ARG2: variants seen among roughly 807,000 people sequenced by gnomAD.
ARG2 encodes the protein arginase-2, mitochondrial.
ARG2 carries 21 observed loss-of-function variants against 39.4 expected under a neutral mutation model. The ratio of observed to expected loss-of-function variants is 0.53; its 90% CI spans 0.38 to 0.77. The LOEUF (loss-of-function observed/expected upper bound fraction) is 0.77. ARG2 is among the 30% of genes least tolerant of loss of function. The pLI is 0.00. For missense variants in ARG2, 378 were observed against 426.2 expected, an observed-to-expected ratio of 0.89 and a Z score of 1.00; for synonymous variants, 150 against 156.7, an observed-to-expected ratio of 0.96 and a Z score of 0.32.
At chr14:67,624,228 C>A (rs1026254652) in intron 2 of ARG2, among the ~76,000 whole-genome samples, 1 of 152,122 alleles carries the variant, frequency 6.6e-6, no homozygotes, top group African/African-American at 2.4e-5. Flanking sequence ...GTACTCTTTT[C>A]TCCAGTTTTT....
intron 3 of ARG2, 55 bp downstream of exon 3, chr14:67,642,418 A>G (rs1323240743): frequency 1.3e-5 from 21 of 1,570,088 alleles, no homozygotes; most frequent in African/African-American, 2.7e-5. Context: ...CTTGGGGCTC[A>G]TAACTTAGCT....
rs550004014 is a variant in ARG2 at position 67,625,122 on chromosome 14, C to T, written c.184+4156C>T. Among the ~76,000 whole-genome samples, 7 of 151,602 alleles carry T rather than the reference C, an allele frequency of 4.6e-5. No individual in the cohort carries two copies. The South Asian group carries it at 1.5e-3, about 32-fold the overall frequency. ...AAGTCAGTAAGGAAAGAATAGTCTT[C>T]AGTAAATGGTGCTGGGATAACTGGA... is the stretch of plus-strand genomic sequence containing the variant. On this transcript the variant is annotated intron_variant, in intron 2 of 7. Transcript: ENST00000261783.
intron 2 of ARG2, among the ~76,000 whole-genome samples, chr14:67,635,722 A>G (rs2036964905): frequency 6.6e-6 from 1 of 152,142 alleles, no homozygotes; most frequent in Admixed American, 6.5e-5. Context: ...GCGTGGTGGC[A>G]GGCACCTGTA....
chr14:67,634,974 G>A (rs772017978), intron 2 of ARG2, among the ~76,000 whole-genome samples: 2 of 152,156 alleles, frequency 1.3e-5, no homozygotes, highest in African/African-American at 2.4e-5. Context: ...CTGGGCGCAC[G>A]GTGGCTCACG....
intron 2 of ARG2, among the ~76,000 whole-genome samples, chr14:67,631,208 T>C (rs2036914783): frequency 6.6e-6 from 1 of 152,222 alleles, no homozygotes; most frequent in Non-Finnish European, 1.5e-5. Context: ...TTCCTGGCTT[T>C]CTCATTGCCC....
chr14:67,626,082 G>A (rs137969736), intron 2 of ARG2, among the ~76,000 whole-genome samples: 354 of 152,090 alleles, frequency 2.3e-3, no homozygotes, highest in African/African-American at 8.2e-3. Context: ...GTGAAACTCC[G>A]TCTCTACTAA....
chr14:67,634,365 G>C (rs2036948164), intron 2 of ARG2, among the ~76,000 whole-genome samples: 1 of 150,932 alleles, frequency 6.6e-6, no homozygotes, highest in African/African-American at 2.4e-5. Flanking sequence ...GGCCAAGGTG[G>C]ATGGATCACT....
intron 2 of ARG2, among the ~76,000 whole-genome samples, chr14:67,622,002 CAGA>C (rs1258208810): frequency 6.6e-6 from 1 of 152,014 alleles, no homozygotes; most frequent in East Asian, 2.0e-4. Flanking sequence ...GAGCCTGAGA[CAGA>C]AGAATTGCTT....
At chr14:67,649,752 G>A (rs1379417239) in intron 7 of ARG2, 1 of 152,192 alleles carries the variant, frequency 6.6e-6, no homozygotes, top group Non-Finnish European at 1.5e-5. Context: ...GTACTATAGT[G>A]TAATATCAAT....
rs189983478 is a variant in ARG2 at position 67,648,340 on chromosome 14, A to G, written c.859+157A>G. 3.1e-4 allele frequency: 240 copies of G among 773,008 alleles called. 1 individual carries two copies. The highest frequency in any genetic ancestry group is 3.0e-3 in the Middle Eastern group (8 of 2,632). 47.9% of individuals were successfully genotyped at this position (773,008 alleles called of 1,614,324 possible). On this transcript the variant is annotated intron_variant, in intron 7 of 7. Transcript: ENST00000261783. ...AAATTATATGGCCATGCTAATAAAA[A>G]GGATATAGTCCTTTAGAGTCATGCT...
intron 2 of ARG2, among the ~76,000 whole-genome samples, chr14:67,626,801 A>G (rs2036871229): frequency 6.6e-6 from 1 of 152,250 alleles, no homozygotes; most frequent in Non-Finnish European, 1.5e-5. Flanking sequence ...ATTATTCATA[A>G]TGGTCAACAT....
chr14:67,640,485 T>A (rs1246854350), intron 2 of ARG2, among the ~76,000 whole-genome samples: 3 of 152,212 alleles, frequency 2.0e-5, no homozygotes, highest in Admixed American at 1.3e-4. Context: ...TCCTCAAATT[T>A]TTATATTTCT....
At chr14:67,644,961 G>A (rs886252030) in intron 3 of ARG2, among the ~76,000 whole-genome samples, 3 of 149,486 alleles carry the variant, frequency 2.0e-5, no homozygotes, top group African/African-American at 7.4e-5. Context: ...TTGCGCCACT[G>A]CACTCCAGCC....
In ARG2 at chr14:67,651,537, A is replaced by C; in HGVS notation, c.*617A>C. ...AGAAGTTTGGATAACCTTCCTTCTA[A>C]ACATTTTGGGGTTAGACCTGGGACC... On this transcript the variant is annotated 3_prime_UTR_variant, in exon 8 of 8. Coordinates refer to ENST00000261783, the MANE Select transcript of ARG2 (RefSeq NM_001172.4). The C allele has an allele frequency of 1.3e-6, 2 of 1,594,162 alleles. No individual in the cohort carries two copies. The highest frequency in any genetic ancestry group is 2.2e-5 in the South Asian group (2 of 88,964).
At chr14:67,633,340 G>C (rs995385270) in intron 2 of ARG2, among the ~76,000 whole-genome samples, 1 of 151,706 alleles carries the variant, frequency 6.6e-6, no homozygotes, top group African/African-American at 2.4e-5. Flanking sequence ...TCTCTGTTTA[G>C]ATCCCTGTGG....
rs750935120 is a variant in ARG2, at chr14:67,651,373, C to T, written c.*453C>T. 1 of 1,613,584 alleles carries T rather than the reference C, an allele frequency of 6.2e-7. No homozygotes were observed. Among genetic ancestry groups the T allele is most frequent in the Non-Finnish European group, 8.5e-7 (1 of 1,179,626 alleles). On this transcript the variant is annotated 3_prime_UTR_variant, in exon 8 of 8. Coordinates refer to ENST00000261783, the MANE Select transcript of ARG2 (RefSeq NM_001172.4). The stretch of plus-strand genomic sequence containing the variant: ...TCAAAGTTCTGGTCCACAAACCCTT[C>T]CCTATAGAAGTTCAATGGCTGCGAA...
Position 67,651,361 on chromosome 14 carries a change from C to G in ARG2, c.*441C>G, listed in dbSNP as rs1289296061. On this transcript the variant is annotated 3_prime_UTR_variant, in exon 8 of 8. Transcript: ENST00000261783. ...GCATTCACAAGGTCAAAGTTCTGGT[C>G]CACAAACCCTTCCCTATAGAAGTTC... 1 of 1,613,074 alleles carries G rather than the reference C, an allele frequency of 6.2e-7. No homozygotes were observed. The highest frequency in any genetic ancestry group is 1.3e-5 in the African/African-American group (1 of 74,906).
In ARG2 at chr14:67,650,778, C is replaced by T. The variant is rs753847977; in HGVS notation, c.923C>T (p.Ala308Val). 5.6e-6 allele frequency: 9 copies of T among 1,613,956 alleles called. No individual in the cohort carries two copies. Among genetic ancestry groups the T allele is most frequent in the Admixed American group, 1.7e-5 (1 of 59,990 alleles). ...NPQLATSEEE[A>V]KTTANLAVDV... ...CAGTTGGCCACCTCAGAGGAAGAGG[C>T]GAAGACTACAGCTAACCTGGCAGTA... The change falls in exon 8 of 8, where the codon GCG becomes GTG. Residue 308 changes from alanine to valine, a missense_variant. Coordinates refer to ENST00000261783, the MANE Select transcript of ARG2 (RefSeq NM_001172.4).
At chr14:67,626,254 AG>A (rs1215262052) in intron 2 of ARG2, among the ~76,000 whole-genome samples, 1 of 150,014 alleles carries the variant, frequency 6.7e-6, no homozygotes, top group African/African-American at 2.4e-5. Context: ...ACTCTGTCTC[AG>A]GGGAAAAAAA....
Sources: allele counts gnomAD v4.1 joint callset (sites outside exome capture counted in the v4.1 genomes callset), GRCh38; gene constraint gnomAD v4.1.1; transcripts MANE v1.5; gene names NCBI Gene and HGNC (gene_info 2026-07-23, HGNC 2026-07-21).